The following SYNE1 variants were observed in gnomAD, a reference collection of about 807,000 sequenced individuals.
SYNE1 encodes spectrin repeat containing nuclear envelope protein 1, also known as nesprin-1.
A neutral mutation model predicts 1,111.0 loss-of-function variants in SYNE1; 616 were observed. The observed-to-expected ratio is 0.55, with a 90% CI of 0.52 to 0.59. The LOEUF is 0.59. Among genes scored for constraint, SYNE1 ranks in the 20% least tolerant of loss-of-function variants. SYNE1 has a pLI of 0.00. For missense variants in SYNE1, 10,006 were observed against 10,417.0 expected (o/e 0.96, Z 1.72); for synonymous variants, 3,855 against 3,825.8 (o/e 1.01, Z -0.28).
chr6:152,461,381 A>G (rs917920247), intron 21 of SYNE1, among the ~76,000 whole-genome samples: 1 of 152,176 alleles, frequency 6.6e-6, no homozygotes, highest in African/African-American at 2.4e-5. Context: ...AAATATAGCT[A>G]TAATACTTCT....
intron 145 of SYNE1, among the ~76,000 whole-genome samples, chr6:152,123,256 C>T (rs991146948): frequency 6.6e-6 from 1 of 152,166 alleles, no homozygotes; most frequent in Non-Finnish European, 1.5e-5. Flanking sequence ...CAGCATCAGG[C>T]CCTGACATTA....
intron 29 of SYNE1, among the ~76,000 whole-genome samples, chr6:152,446,002 C>G (rs1177515785): frequency 6.6e-6 from 1 of 151,880 alleles, no homozygotes; most frequent in Non-Finnish European, 1.5e-5. Flanking sequence ...GAGAGAGATT[C>G]TTACTATAAG....
At chr6:152,398,590 A>C in intron 49 of SYNE1, 29 bp downstream of exon 49, 2 of 1,589,420 alleles carry the variant, frequency 1.3e-6, no homozygotes. Context: ...CATTTTGGGG[A>C]AGAAGGAAAA....
chr6:152,234,615 G>A, intron 111 of SYNE1, 53 bp downstream of exon 111: 1 of 1,606,664 alleles, frequency 6.2e-7, no homozygotes, highest in South Asian at 1.1e-5. Context: ...CTGGTGTATG[G>A]GTCAGGCCTA....
At chr6:152,460,265 C>G (rs960566001) in intron 21 of SYNE1, among the ~76,000 whole-genome samples, 1 of 152,132 alleles carries the variant, frequency 6.6e-6, no homozygotes, top group Non-Finnish European at 1.5e-5. Flanking sequence ...GCAGCTTTTA[C>G]TAGTAGCCAA....
intron 18 of SYNE1, chr6:152,464,802 A>G (rs1254440364): frequency 8.0e-6 from 2 of 250,566 alleles, no homozygotes; most frequent in Admixed American, 1.0e-4. Flanking sequence ...TCCTACCCAG[A>G]ATGAGACCCT....
At chr6:152,237,143 A>G (rs906246622) in intron 108 of SYNE1, among the ~76,000 whole-genome samples, 195 bp from the exon 109 acceptor site, 1 of 152,130 alleles carries the variant, frequency 6.6e-6, no homozygotes, top group Admixed American at 6.5e-5. Context: ...AGCATTGTGA[A>G]TGGGCTCTGG....
At chr6:152,425,114 T>C (rs986921036) in intron 39 of SYNE1, among the ~76,000 whole-genome samples, 2 of 152,182 alleles carry the variant, frequency 1.3e-5, no homozygotes, top group African/African-American at 4.8e-5. Context: ...AAATAATACA[T>C]ACATTAGCAA....
chr6:152,348,909 T>A (rs915597509), intron 72 of SYNE1, among the ~76,000 whole-genome samples: 1 of 152,078 alleles, frequency 6.6e-6, no homozygotes, highest in African/African-American at 2.4e-5. Flanking sequence ...TATGCTCAGT[T>A]GAAAAGAACC....
intron 98 of SYNE1, among the ~76,000 whole-genome samples, chr6:152,272,953 A>T (rs945574718): frequency 6.6e-6 from 1 of 152,248 alleles, no homozygotes; most frequent in Non-Finnish European, 1.5e-5. Context: ...TAATGTAAAC[A>T]GGGCTCCTTT....
Position 152,428,243 on chromosome 6 carries a change from T to C in SYNE1, c.4938A>G (p.Arg1646=). 6.2e-7 allele frequency: 1 copy of C among 1,613,990 alleles called. No individual in the cohort carries two copies. The highest frequency in any genetic ancestry group is 8.5e-7 in the Non-Finnish European group (1 of 1,180,026). Residue 1646 remains arginine (R), a synonymous_variant, in exon 37 of 146, where the codon AGA becomes AGG. Coordinates refer to ENST00000367255, the MANE Select transcript of SYNE1 (RefSeq NM_182961.4). ...CCAGCAGATTCTCCAGCGCCGTCTG[T>C]CTCTCCTTCGCCCTCCTTAGGATGT... ...YEDILRRAKE[R]QTALENLLAH...
chr6:152,477,890 C>T (rs1408056146), intron 14 of SYNE1, among the ~76,000 whole-genome samples: 2 of 152,146 alleles, frequency 1.3e-5, no homozygotes, highest in Admixed American at 6.6e-5. Context: ...CTCAGCCTCC[C>T]GAGTAGCTGG....
chr6:152,297,820 T>C (rs1371987359), intron 93 of SYNE1, among the ~76,000 whole-genome samples: 1 of 39,650 alleles, frequency 2.5e-5, no homozygotes, highest in East Asian at 5.2e-4. Context: ...TGTGTGTGTG[T>C]GTGCGCGCGC....
At chr6:152,122,802 GC>G in intron 145 of SYNE1, 126 bp from the exon 146 acceptor site, 2 of 1,464,092 alleles carry the variant, frequency 1.4e-6, no homozygotes, top group African/African-American at 1.4e-5. Flanking sequence ...GCGATCAGCT[GC>G]CAGCCTTCCA....
chr6:152,414,953 A>G (rs775804186), intron 41 of SYNE1, among the ~76,000 whole-genome samples: 1 of 152,204 alleles, frequency 6.6e-6, no homozygotes, highest in African/African-American at 2.4e-5. Flanking sequence ...GTATAACCTC[A>G]GGAGCCCAGT....
At position 152,330,514 on chromosome 6, in the gene SYNE1, G is replaced by A. The variant is rs773546149; in HGVS notation, c.14171C>T (p.Ala4724Val). 9.9e-6 allele frequency: 16 copies of A among 1,613,910 alleles called. No individual in the cohort carries two copies. The highest frequency in any genetic ancestry group is 8.8e-5 in the South Asian group (8 of 91,078). The change falls in exon 78 of 146, where the codon GCG becomes GTG. Residue 4724 changes from alanine to valine, a missense_variant. Physicochemically the swap from Ala to Val is moderately conservative, Grantham distance 64 (BLOSUM62 0). Coordinates refer to ENST00000367255, the MANE Select transcript of SYNE1 (RefSeq NM_182961.4). ...TTCATCCACCGCCTCCCCAAGGCCC[G>A]CCACCTCGTCCAGAATGGCTCTGCA... is the stretch of plus-strand genomic sequence containing the variant. ...DGCRAILDEV[A>V]GLGEAVDELN...
At chr6:152,485,355 A>C (rs924469486) in intron 12 of SYNE1, among the ~76,000 whole-genome samples, 11 of 152,242 alleles carry the variant, frequency 7.2e-5, no homozygotes, top group African/African-American at 2.7e-4. Flanking sequence ...AAACAGGAGT[A>C]TAAATCTTAG....
At chr6:152,532,726 TAGAACC>T (rs2099210342) in intron 4 of SYNE1, among the ~76,000 whole-genome samples, 1 of 152,178 alleles carries the variant, frequency 6.6e-6, no homozygotes, top group Non-Finnish European at 1.5e-5. Context: ...CCATAACTTG[TAGAACC>T]AGATAAACCA....
rs146705789 is a variant in SYNE1 at position 152,321,292 on chromosome 6, A to C, written c.16182T>G (p.Ser5394=). 444 of 1,613,822 alleles carry C rather than the reference A, an allele frequency of 2.8e-4. 1 individual carries two copies. Among genetic ancestry groups the C allele is most frequent in the Non-Finnish European group, 3.5e-4 (413 of 1,179,928 alleles). ...CTTCAGCCAACTGAAGGGAGAGTTCAGAAGGTAATATGGTATAAAGACCTA... is the reference window on the plus strand; with the variant it reads ...CTTCAGCCAACTGAAGGGAGAGTTCCGAAGGTAATATGGTATAAAGACCTA... ...KYLGLYTILP[S]ELSLQLAEVA... Residue 5394 remains serine, a synonymous_variant, in exon 84 of 146, where the codon TCT becomes TCG. Coordinates refer to ENST00000367255, the MANE Select transcript of SYNE1 (RefSeq NM_182961.4).
Sources: gnomAD v4.1 joint callset for allele counts (sites outside exome capture counted in the v4.1 genomes callset) on GRCh38, gnomAD v4.1.1 for gene constraint, MANE v1.5 for transcripts, NCBI Gene and HGNC (gene_info 2026-07-23, HGNC 2026-07-21) for gene names.